ZBTB25: variants seen among roughly 807,000 people sequenced by gnomAD.
The protein encoded by ZBTB25 is zinc finger and BTB domain-containing protein 25.
In ZBTB25, 20 loss-of-function variants were observed where a neutral mutation model predicts 34.2. The ratio of observed to expected loss-of-function variants is 0.58; its 90% CI spans 0.41 to 0.85. ZBTB25 has a LOEUF of 0.85. Ranked by LOEUF, ZBTB25 falls within the 40% of genes least tolerant of loss-of-function variation. The probability of loss-of-function intolerance (pLI) is 0.00; values close to 1 mark genes in which losing one functional copy is unlikely to be tolerated. For synonymous variants in ZBTB25, 175 were observed against 186.4 expected (o/e 0.94, Z 0.50); for missense variants, 437 against 521.8 (o/e 0.84, Z 1.58).
chr14:64,478,701 A>G lies in ZBTB25; in HGVS notation c.*8222T>C, dbSNP rs1184621295. 1.3e-5 allele frequency: 2 copies of G among 152,244 alleles called. No individual in the cohort carries two copies. The highest frequency in any genetic ancestry group is 6.5e-5 in the Admixed American group (1 of 15,274). The allele number at this position is 152,244 out of a possible 1,614,324, so 9.4% of individuals were successfully genotyped here. A position where few individuals can be genotyped will look rare whatever the true frequency, so the allele number is the denominator to read the frequency against. On this transcript the variant is annotated 3_prime_UTR_variant, in exon 3 of 3. Coordinates refer to ENST00000608382, the MANE Select transcript of ZBTB25 (RefSeq NM_006977.5). ...TCAGAAGCATCTTGATTAAAGAGGG[A>G]TGTCAAGATATTGCAGTACCTTATG... is the stretch of plus-strand genomic sequence containing the variant.
Position 64,482,726 on chromosome 14 carries a change from A to G in ZBTB25, c.*4197T>C, listed in dbSNP as rs1286840037. 1 of 152,234 alleles carries G rather than the reference A, an allele frequency of 6.6e-6. No individual in the cohort carries two copies. Among genetic ancestry groups the G allele is most frequent in the Non-Finnish European group, 1.5e-5 (1 of 68,034 alleles). The allele number at this position is 152,234 out of a possible 1,614,324, so 9.4% of individuals were successfully genotyped here. A position where few individuals can be genotyped will look rare whatever the true frequency, so the allele number is the denominator to read the frequency against. ...CTGTCAATTAGTTATTGAATATTAG[A>G]TAGTACATTACTGCTTTTAAGAACA... On this transcript the variant is annotated 3_prime_UTR_variant, in exon 3 of 3. Coordinates refer to ENST00000608382, the MANE Select transcript of ZBTB25 (RefSeq NM_006977.5).
At position 64,486,891 on chromosome 14, in the gene ZBTB25, G is replaced by T; in HGVS notation, c.*32C>A. ...AATGCCACGCAAATTTTCTTTTTCAGAATTGGTATAAAAATTCTGAAAGAG... is the reference window on the plus strand; with the variant it reads ...AATGCCACGCAAATTTTCTTTTTCATAATTGGTATAAAAATTCTGAAAGAG... On this transcript the variant is annotated 3_prime_UTR_variant, in exon 3 of 3. Coordinates refer to ENST00000608382, the MANE Select transcript of ZBTB25 (RefSeq NM_006977.5). 2 of 1,528,366 alleles carry T rather than the reference G, an allele frequency of 1.3e-6. No homozygotes were observed. Among genetic ancestry groups the T allele is most frequent in the South Asian group, 1.3e-5 (1 of 77,840 alleles). The allele number at this position is 1,528,366 out of a possible 1,614,324, so 94.7% of individuals were successfully genotyped here. A position where few individuals can be genotyped will look rare whatever the true frequency, so the allele number is the denominator to read the frequency against.
intron 2 of ZBTB25, chr14:64,467,757 T>G (rs1266268102): frequency 6.6e-6 from 1 of 152,124 alleles, no homozygotes; most frequent in East Asian, 1.9e-4. Context: ...GCTTTAAAAT[T>G]ATCTATTGAG....
At chr14:64,495,776 G>A (rs2079253112) in intron 1 of ZBTB25, among the ~76,000 whole-genome samples, 2 of 152,100 alleles carry the variant, frequency 1.3e-5, no homozygotes, top group Non-Finnish European at 2.9e-5. Context: ...GGCCAACATG[G>A]AGAAACCCCA....
chr14:64,481,233 AT>A lies in ZBTB25; in HGVS notation c.*5689del. 6.6e-6 allele frequency: 1 copy of A among 151,884 alleles called. No homozygotes were observed. The highest frequency in any genetic ancestry group is 1.5e-5 in the Non-Finnish European group (1 of 68,016). The allele number at this position is 151,884 out of a possible 1,614,324, so 9.4% of individuals were successfully genotyped here. The stretch of plus-strand genomic sequence containing the variant: ...GCGTGAGCCACTGCCCCTGGCCAAA[AT>A]TTTTGGCAGAGATGAGGTCTCACTA... On this transcript the variant is annotated 3_prime_UTR_variant, in exon 3 of 3. Transcript: ENST00000608382.
At chr14:64,460,999 C>G (rs1303969109) in intron 2 of ZBTB25, 1 of 152,114 alleles carries the variant, frequency 6.6e-6, no homozygotes, top group Non-Finnish European at 1.5e-5. Context: ...GCACTCCAGC[C>G]TGGGAGACAG....
intron 2 of ZBTB25, chr14:64,471,113 A>G (rs1370381197): frequency 2.4e-5 from 4 of 166,528 alleles, no homozygotes; most frequent in East Asian, 1.9e-4. Flanking sequence ...AGCATTTTAC[A>G]TGAATATTGA....
intron 2 of ZBTB25, among the ~76,000 whole-genome samples, chr14:64,457,541 C>T (rs903254106): frequency 4.0e-5 from 6 of 151,652 alleles, no homozygotes; most frequent in Non-Finnish European, 7.4e-5. Context: ...CTGCAACCTC[C>T]GCCTCCCAGG....
In ZBTB25 at chr14:64,490,477, T is replaced by C. The variant is rs748530051; in HGVS notation, c.57A>G (p.Glu19=). Residue 19 remains glutamate (E), a synonymous_variant, in exon 2 of 3, where the codon GAA becomes GAG. Transcript: ENST00000608382. ...CTGTGCAATCACACAGAAAACCAAATTCTCGCTGCATGTTCAGCTGCTGGA... is the reference window on the plus strand; with the variant it reads ...CTGTGCAATCACACAGAAAACCAAACTCTCGCTGCATGTTCAGCTGCTGGA... ...VLLQQLNMQR[E]FGFLCDCTVA... The C allele has an allele frequency of 6.2e-7, 1 of 1,613,860 alleles. No individual in the cohort carries two copies. Among genetic ancestry groups the C allele is most frequent in the African/African-American group, 1.3e-5 (1 of 75,014 alleles).
At position 64,486,935 on chromosome 14, in the gene ZBTB25, G is replaced by A. The variant is rs2031858393; in HGVS notation, c.1296C>T (p.Ile432=). 23 of 1,607,044 alleles carry A rather than the reference G, an allele frequency of 1.4e-5. No individual in the cohort carries two copies. The highest frequency in any genetic ancestry group is 2.0e-5 in the Non-Finnish European group (23 of 1,176,830). The part of the protein sequence containing the change: ...SELTQENVDT[I]LVE ...GAAAGAGAAGCTGCTACTCAACTAGGATAGTATCCACATTTTCTTGTGTGA... is the reference window on the plus strand; with the variant it reads ...GAAAGAGAAGCTGCTACTCAACTAGAATAGTATCCACATTTTCTTGTGTGA... The change falls in exon 3 of 3, where the codon ATC becomes ATT. Residue 432 remains isoleucine (I), a synonymous_variant. Transcript: ENST00000608382.
chr14:64,504,472 A>G, upstream of ZBTB25: 2 of 155,980 alleles, frequency 1.3e-5, no homozygotes, highest in Non-Finnish European at 2.8e-5. Context: ...GAGGAGGAGG[A>G]GGTCCCAAGC....
chr14:64,473,162 T>G (rs1398173319), downstream of ZBTB25: 1 of 167,024 alleles, frequency 6.0e-6, no homozygotes, highest in Non-Finnish European at 1.5e-5. Context: ...CACTTAACAT[T>G]TTTTCAAAGC....
rs904962076 is a variant in ZBTB25 at position 64,483,088 on chromosome 14, A to G, written c.*3835T>C. On this transcript the variant is annotated 3_prime_UTR_variant, in exon 3 of 3. Transcript: ENST00000608382. ...AAACAACTGCGTGAGATTTCAAAAG[A>G]AGGAAAAATTTTAAGCTGACTCAAG... The G allele has an allele frequency of 3.9e-5, 6 of 152,238 alleles. No homozygotes were observed. Among genetic ancestry groups the G allele is most frequent in the African/African-American group, 1.2e-4 (5 of 41,462 alleles). 9.4% of individuals were successfully genotyped at this position (152,238 alleles called of 1,614,324 possible).
At chr14:64,449,944 G>A (rs908318158) in intron 2 of ZBTB25, among the ~76,000 whole-genome samples, 1 of 152,114 alleles carries the variant, frequency 6.6e-6, no homozygotes, top group Admixed American at 6.5e-5. Context: ...GTCTGCCACC[G>A]TGCCCAGCTA....
intron 1 of ZBTB25, among the ~76,000 whole-genome samples, chr14:64,496,355 T>G (rs2079275538): frequency 6.6e-6 from 1 of 151,604 alleles, no homozygotes; most frequent in South Asian, 2.1e-4. Flanking sequence ...CACAGTGGCG[T>G]GTGCCTGTAA....
chr14:64,502,960 A>G, intron 1 of ZBTB25: 1 of 985,488 alleles, frequency 1.0e-6, no homozygotes, highest in Non-Finnish European at 1.2e-6. Flanking sequence ...CAAGAGAAAG[A>G]ATGCCAAATT....
rs773794128 is a variant in ZBTB25, at chr14:64,487,433, T to C, written c.798A>G (p.Pro266=). The C allele has an allele frequency of 1.9e-6, 3 of 1,614,230 alleles. No homozygotes were observed. ...HLHTHVSGSL[P]FGVPASILES... is the part of the protein sequence containing the mutation. ...CCAGAATGGAAGCAGGGACACCGAA[T>C]GGCAGGGATCCAGACACATGTGTAT... The change falls in exon 3 of 3, where the codon CCA becomes CCG. Residue 266 remains proline, a synonymous_variant. Coordinates refer to ENST00000608382, the MANE Select transcript of ZBTB25 (RefSeq NM_006977.5).
In ZBTB25 at chr14:64,458,383, G is replaced by A. The variant is rs192843872; in HGVS notation, c.174-8745C>T. 2.6e-4 allele frequency: 256 copies of A among 975,766 alleles called. 2 individuals are homozygous for A. The African/African-American group carries it at 3.2e-3, about 12-fold the overall frequency. 60.4% of individuals were successfully genotyped at this position (975,766 alleles called of 1,614,324 possible). A position where few individuals can be genotyped will look rare whatever the true frequency, so the allele number is the denominator to read the frequency against. ...TATGAATTATAGGGCTCAAACTGACGCTATAAAAATTCACATTCTAATGCT... is the reference window on the plus strand; with the variant it reads ...TATGAATTATAGGGCTCAAACTGACACTATAAAAATTCACATTCTAATGCT... On this transcript the variant is annotated intron_variant, in intron 2 of 2. Coordinates refer to the ZBTB25 transcript ENST00000555220.
At chr14:64,455,872 C>T (rs530065445) in intron 2 of ZBTB25, among the ~76,000 whole-genome samples, 4 of 152,318 alleles carry the variant, frequency 2.6e-5, no homozygotes, top group Admixed American at 2.6e-4. Context: ...TGGTGCTTAG[C>T]ACAAATGCCT....
Sources: allele counts gnomAD v4.1 joint callset (sites outside exome capture counted in the v4.1 genomes callset), GRCh38; gene constraint gnomAD v4.1.1; transcripts MANE v1.5; gene names NCBI Gene and HGNC (gene_info 2026-07-23, HGNC 2026-07-21).